EML1: variants seen among roughly 807,000 people sequenced by gnomAD.
EML1 encodes echinoderm microtubule-associated protein-like 1.
Under a neutral mutation model 110.4 loss-of-function variants are expected in EML1, and 27 were observed. That is an observed-to-expected ratio of 0.24 (90% CI 0.18 to 0.34). The LOEUF (loss-of-function observed/expected upper bound fraction) is 0.34, where lower values mean the gene tolerates loss of function less well. Ranked by LOEUF, EML1 falls within the 10% of genes least tolerant of loss-of-function variation. EML1 has a pLI of 1.00. For synonymous variants in EML1, 344 were observed against 385.8 expected (o/e 0.89, Z 1.27); for missense variants, 741 against 1,030.9 (o/e 0.72, Z 3.85).
intron 17 of EML1, among the ~76,000 whole-genome samples, chr14:99,925,045 G>A (rs1258210128): frequency 1.3e-5 from 2 of 151,978 alleles, no homozygotes; most frequent in Non-Finnish European, 2.9e-5. Context: ...TTTTCTTGTG[G>A]CATCTTTGTC....
chr14:99,925,475 G>A (rs1711856028), intron 17 of EML1, among the ~76,000 whole-genome samples: 2 of 151,958 alleles, frequency 1.3e-5, no homozygotes. Flanking sequence ...GAAACTCCTG[G>A]GCTCAAGCAG....
At chr14:99,914,964 AG>A (rs1490643956) in intron 15 of EML1, 2 of 471,136 alleles carry the variant, frequency 4.2e-6, no homozygotes, top group African/African-American at 4.0e-5. Context: ...AGATTTTCTG[AG>A]TACAGTCTCT....
At chr14:99,759,082 C>T (rs992660355) in intron 1 of EML1, among the ~76,000 whole-genome samples, 1 of 152,222 alleles carries the variant, frequency 6.6e-6, no homozygotes, top group Admixed American at 6.5e-5. Context: ...TTACATGTTC[C>T]TCCAAATCAG....
rs77478599 is a variant in EML1 at position 99,850,811 on chromosome 14, C to T, written c.68-42C>T. ...AGAGTATGTTTATAGATCTGATTTCCGGGGAACACTTAAAGCTCACTTGAT... is the reference window on the plus strand; with the variant it reads ...AGAGTATGTTTATAGATCTGATTTCTGGGGAACACTTAAAGCTCACTTGAT... On this transcript the variant is annotated intron_variant, in intron 1 of 21. Coordinates refer to ENST00000262233, the MANE Select transcript of EML1 (RefSeq NM_004434.3). The T allele has an allele frequency of 2.5e-4, 402 of 1,594,436 alleles. 2 individuals are homozygous for T. The African/African-American group carries it at 4.7e-3, about 19-fold the overall frequency.
chr14:99,765,732 G>A (rs2057361769), intron 1 of EML1, among the ~76,000 whole-genome samples: 1 of 151,964 alleles, frequency 6.6e-6, no homozygotes, highest in Non-Finnish European at 1.5e-5. Flanking sequence ...AGCCTCTCGA[G>A]TAGCTGGGAT....
intron 3 of EML1, among the ~76,000 whole-genome samples, chr14:99,877,792 C>T (rs192224738): frequency 4.6e-5 from 7 of 152,310 alleles, no homozygotes; most frequent in Admixed American, 6.5e-5. Flanking sequence ...TGAGCCATCC[C>T]GGGCCATGCA....
At chr14:99,738,719 G>A (rs1414196174) in intron 1 of EML1, among the ~76,000 whole-genome samples, 3 of 152,240 alleles carry the variant, frequency 2.0e-5, no homozygotes, top group Admixed American at 6.5e-5. Flanking sequence ...ATGATATTGT[G>A]TGAAAGCGCC....
At chr14:99,850,263 A>G (rs1240368560) in intron 1 of EML1, 1 of 1,284,206 alleles carries the variant, frequency 7.8e-7, no homozygotes, top group Non-Finnish European at 1.0e-6. Context: ...GTACAATGAG[A>G]TTGGAGAGGC....
intron 3 of EML1, among the ~76,000 whole-genome samples, chr14:99,869,461 C>T (rs1454502069): frequency 6.6e-6 from 1 of 152,168 alleles, no homozygotes; most frequent in Non-Finnish European, 1.5e-5. Flanking sequence ...CTCCATTGGC[C>T]TCCCTTTTCC....
chr14:99,822,690 C>T (rs111339202), intron 1 of EML1, among the ~76,000 whole-genome samples: 5,305 of 152,234 alleles, frequency 0.035, 293 homozygotes, highest in African/African-American at 0.12. Flanking sequence ...AGTGATTGTG[C>T]CAAGAAATGC....
chr14:99,768,589 G>T (rs1406674988), upstream of EML1, among the ~76,000 whole-genome samples: 4 of 152,170 alleles, frequency 2.6e-5, no homozygotes, highest in Admixed American at 1.3e-4. Context: ...GGCCATCTCT[G>T]TGACAGCACG....
intron 1 of EML1, among the ~76,000 whole-genome samples, chr14:99,831,679 C>T (rs2139776395): frequency 6.6e-6 from 1 of 152,250 alleles, no homozygotes; most frequent in East Asian, 1.9e-4. Context: ...GATCCAAACA[C>T]AGTTCAATAC....
chr14:99,874,649 C>G (rs1027449352), intron 3 of EML1, among the ~76,000 whole-genome samples: 8 of 152,014 alleles, frequency 5.3e-5, no homozygotes, highest in Admixed American at 3.9e-4. Context: ...TTCATAAGAG[C>G]CCTTGGTTCT....
intron 2 of EML1, 152 bp downstream of exon 2, chr14:99,851,187 A>T: frequency 7.0e-6 from 6 of 858,624 alleles, no homozygotes; most frequent in South Asian, 1.8e-5. Context: ...TAATCACACG[A>T]CGTATGATAG....
intron 1 of EML1, among the ~76,000 whole-genome samples, chr14:99,793,885 G>A (rs1357501582): frequency 6.6e-6 from 1 of 151,612 alleles, no homozygotes; most frequent in Non-Finnish European, 1.5e-5. Flanking sequence ...TCCGCGTTCC[G>A]GGGAACGTGT....
chr14:99,754,665 G>C, intron 1 of EML1, among the ~76,000 whole-genome samples: 1 of 152,208 alleles, frequency 6.6e-6, no homozygotes, highest in East Asian at 1.9e-4. Flanking sequence ...AAATGAGTCA[G>C]CTTGGCACCC....
At position 99,875,031 on chromosome 14, in the gene EML1, C is replaced by T. The variant is rs141097364; in HGVS notation, c.384-3454C>T. ...TACTTTGTCACCATAGCTGTTCCTT[C>T]CATTGTTTCCATCTCTGTTTTAACG... On this transcript the variant is annotated intron_variant, in intron 3 of 21. Transcript: ENST00000262233. 914 of 1,584,030 alleles carry T rather than the reference C, an allele frequency of 5.8e-4. 4 individuals are homozygous for T. The highest frequency in any genetic ancestry group is 4.8e-3 in the Middle Eastern group (29 of 5,984).
At chr14:99,873,249 G>A (rs1246877045) in intron 3 of EML1, among the ~76,000 whole-genome samples, 2 of 152,182 alleles carry the variant, frequency 1.3e-5, no homozygotes, top group Non-Finnish European at 2.9e-5. Flanking sequence ...TACAAAAAGC[G>A]TTATTTAAAA....
intron 1 of EML1, among the ~76,000 whole-genome samples, chr14:99,844,834 C>T (rs1430646133): frequency 6.6e-6 from 1 of 152,130 alleles, no homozygotes; most frequent in African/African-American, 2.4e-5. Context: ...GAGACCCATG[C>T]AAGTTGTTTT....
Sources: gnomAD v4.1 joint callset for allele counts (sites outside exome capture counted in the v4.1 genomes callset) on GRCh38, gnomAD v4.1.1 for gene constraint, MANE v1.5 for transcripts, NCBI Gene and HGNC (gene_info 2026-07-23, HGNC 2026-07-21) for gene names.